NSFL1C: variants seen among roughly 807,000 people sequenced by gnomAD.
NSFL1C encodes NSFL1 cofactor p47.
Under a neutral mutation model 43.1 loss-of-function variants are expected in NSFL1C, and 14 were observed. The ratio of observed to expected loss-of-function variants is 0.32; its 90% CI spans 0.21 to 0.51. The LOEUF (loss-of-function observed/expected upper bound fraction) is 0.51, where lower values mean the gene tolerates loss of function less well. Among genes scored for constraint, NSFL1C ranks in the 20% least tolerant of loss-of-function variants. The pLI is 0.98. For missense variants in NSFL1C, 406 were observed against 472.5 expected, an observed-to-expected ratio of 0.86 and a Z score of 1.30; for synonymous variants, 171 against 183.5, an observed-to-expected ratio of 0.93 and a Z score of 0.55.
At chr20:1,457,976 T>C in intron 3 of NSFL1C, 1 of 417,048 alleles carries the variant, frequency 2.4e-6, no homozygotes, top group Non-Finnish European at 4.3e-6. Context: ...CTTGTTTCCC[T>C]CCCCTAATAT....
Position 1,444,589 on chromosome 20 carries a change from A to G in NSFL1C, c.951-678T>C, listed in dbSNP as rs889594382. The stretch of plus-strand genomic sequence containing the variant: ...GCCTCCTTCCCTAGAGCACTTAAAC[A>G]TAAGTTTCCTTTTTGCCCCAAACCC... On this transcript the variant is annotated intron_variant, in intron 8 of 8. Coordinates refer to ENST00000216879, the MANE Select transcript of NSFL1C (RefSeq NM_016143.5). Among the ~76,000 whole-genome samples, 8 of 152,322 alleles carry G rather than the reference A, an allele frequency of 5.3e-5. No homozygotes were observed. In the South Asian group the frequency reaches 6.2e-4, roughly 12 times the overall value.
At position 1,442,792 on chromosome 20, in the gene NSFL1C, C is replaced by G. The variant is rs1339260041; in HGVS notation, c.*957G>C. 2.6e-5 allele frequency: 4 copies of G among 152,234 alleles called. No individual in the cohort carries two copies. Among genetic ancestry groups the G allele is most frequent in the African/African-American group, 9.7e-5 (4 of 41,450 alleles). The allele number at this position is 152,234 out of a possible 1,614,324, so 9.4% of individuals were successfully genotyped here. On this transcript the variant is annotated 3_prime_UTR_variant, in exon 9 of 9. Coordinates refer to ENST00000216879, the MANE Select transcript of NSFL1C (RefSeq NM_016143.5). ...CTGCAAGTACCAACAGTGACAGGTGCTTGTAGCACAGAAAACTCACCCCTT... is the reference window on the plus strand; with the variant it reads ...CTGCAAGTACCAACAGTGACAGGTGGTTGTAGCACAGAAAACTCACCCCTT...
At chr20:1,466,424 C>T (rs1004955015) in intron 1 of NSFL1C, among the ~76,000 whole-genome samples, 6 of 152,222 alleles carry the variant, frequency 3.9e-5, no homozygotes, top group Non-Finnish European at 8.8e-5. Context: ...GCAGCCACGC[C>T]CCCAGGCGCT....
rs146299891 is a variant in NSFL1C, at chr20:1,453,045, C to G, written c.633G>C (p.Glu211Asp). Residue 211 changes from glutamate (E) to aspartate (D), a missense_variant, in exon 6 of 9, where the codon GAG becomes GAC. Coordinates refer to ENST00000216879, the MANE Select transcript of NSFL1C (RefSeq NM_016143.5). ...YQDPSNAQFL[E>D]SIRRGEVPAE... ...TTTTCACTCACCCTCTGCGGATAGA[C>G]TCCAGAAACTGGGCATTGGATGGGT... 4.4e-6 allele frequency: 7 copies of G among 1,607,384 alleles called. No homozygotes were observed. In the African/African-American group the frequency reaches 8.0e-5, roughly 18 times the overall value.
chr20:1,461,110 A>T (rs1423124384), intron 2 of NSFL1C, among the ~76,000 whole-genome samples: 3 of 152,244 alleles, frequency 2.0e-5, no homozygotes, highest in Admixed American at 2.0e-4. Context: ...ACAGTATCAG[A>T]AGAGAACACA....
intron 2 of NSFL1C, among the ~76,000 whole-genome samples, chr20:1,460,398 C>T (rs889679671): frequency 2.6e-5 from 4 of 152,158 alleles, no homozygotes; most frequent in Admixed American, 6.5e-5. Flanking sequence ...GAGGTAATTC[C>T]GACATATATT....
rs575010019 is a variant in NSFL1C at position 1,443,931 on chromosome 20, G to T, written c.951-20C>A. On this transcript the variant is annotated intron_variant, in intron 8 of 8. Transcript: ENST00000216879. ...CTGATCCTGCAGGAGTTGGGGAAGC[G>T]GTGAGCAGTGCCATCCTCTGCTGTC... The T allele has an allele frequency of 1.2e-6, 2 of 1,602,286 alleles. No homozygotes were observed. The highest frequency in any genetic ancestry group is 1.1e-5 in the South Asian group (1 of 89,972).
At position 1,442,255 on chromosome 20, in the gene NSFL1C, G is replaced by A. The variant is rs2089964412; in HGVS notation, c.*1494C>T. The stretch of plus-strand genomic sequence containing the variant: ...GTAGGTTCCATAATCTCCACCTGCT[G>A]GAGAAAACACCGTGACAGATGCCAT... On this transcript the variant is annotated 3_prime_UTR_variant, in exon 9 of 9. Transcript: ENST00000216879. 1 of 152,242 alleles carries A rather than the reference G, an allele frequency of 6.6e-6. No homozygotes were observed. Among genetic ancestry groups the A allele is most frequent in the African/African-American group, 2.4e-5 (1 of 41,452 alleles). The allele number at this position is 152,242 out of a possible 1,614,324, so 9.4% of individuals were successfully genotyped here.
chr20:1,444,020 A>T, intron 8 of NSFL1C, 109 bp from the exon 9 acceptor site: 1 of 1,227,802 alleles, frequency 8.1e-7, no homozygotes, highest in Non-Finnish European at 1.1e-6. Context: ...TTCTCCACAG[A>T]ACAGCGAAAG....
intron 2 of NSFL1C, among the ~76,000 whole-genome samples, chr20:1,462,245 C>T (rs1004221539): frequency 1.3e-5 from 2 of 152,152 alleles, no homozygotes; most frequent in African/African-American, 4.8e-5. Context: ...CAGAGGCAGG[C>T]CCCACACAGA....
At chr20:1,443,950 T>A in intron 8 of NSFL1C, 39 bp from the exon 9 acceptor site, 1 of 1,588,274 alleles carries the variant, frequency 6.3e-7, no homozygotes, top group Non-Finnish European at 8.5e-7. Flanking sequence ...TGCCATCCTC[T>A]GCTGTCCATA....
intron 2 of NSFL1C, among the ~76,000 whole-genome samples, chr20:1,461,704 C>G (rs1444253112): frequency 1.3e-5 from 2 of 152,130 alleles, no homozygotes; most frequent in Non-Finnish European, 2.9e-5. Flanking sequence ...GTTTTACTAG[C>G]TCTGTGATCT....
intron 8 of NSFL1C, among the ~76,000 whole-genome samples, chr20:1,445,353 G>A (rs1056358592): frequency 4.6e-5 from 7 of 152,114 alleles, no homozygotes; most frequent in Admixed American, 2.0e-4. Context: ...GTCTTCACAG[G>A]ACTTTAGCAT....
chr20:1,461,328 G>C (rs867814843), intron 2 of NSFL1C, among the ~76,000 whole-genome samples: 3 of 152,344 alleles, frequency 2.0e-5, no homozygotes, highest in Middle Eastern at 3.4e-3. Context: ...CTGTGGAACA[G>C]AATTATGGCG....
chr20:1,456,590 A>G (rs1392480556), intron 3 of NSFL1C: 2 of 152,230 alleles, frequency 1.3e-5, no homozygotes, highest in African/African-American at 4.8e-5. Context: ...ACCAAAACCC[A>G]TGAAATGAGG....
chr20:1,447,767 G>T (rs1323055359), intron 7 of NSFL1C, among the ~76,000 whole-genome samples: 1 of 151,800 alleles, frequency 6.6e-6, no homozygotes, highest in African/African-American at 2.4e-5. Flanking sequence ...ATCAGTTAAG[G>T]GGGTGGGGAG....
At chr20:1,457,919 C>T in intron 3 of NSFL1C, 2 of 362,130 alleles carry the variant, frequency 5.5e-6, no homozygotes, top group Non-Finnish European at 1.0e-5. Context: ...AAACTGATTT[C>T]AAATCTTTTT....
intron 7 of NSFL1C, among the ~76,000 whole-genome samples, chr20:1,449,853 G>A (rs1033569843): frequency 6.6e-6 from 1 of 152,092 alleles, no homozygotes; most frequent in Non-Finnish European, 1.5e-5. Flanking sequence ...AGGCACGGGA[G>A]CAGCTAAAGC....
chr20:1,454,370 A>C (rs568863920), intron 4 of NSFL1C, 65 bp from the exon 5 acceptor site: 1 of 1,075,744 alleles, frequency 9.3e-7, no homozygotes, highest in South Asian at 1.3e-5. Context: ...ACTCAGATAC[A>C]ATGATATATA....
Sources: allele counts gnomAD v4.1 joint callset (sites outside exome capture counted in the v4.1 genomes callset), GRCh38; gene constraint gnomAD v4.1.1; transcripts MANE v1.5; gene names NCBI Gene and HGNC (gene_info 2026-07-23, HGNC 2026-07-21).